Variants in EPM2A observed in about 807,000 individuals in gnomAD.
EPM2A encodes laforin.
Under a neutral mutation model 26.5 loss-of-function variants are expected in EPM2A, and 21 were observed. The ratio of observed to expected loss-of-function variants is 0.79; its 90% confidence interval spans 0.56 to 1.14. EPM2A has a LOEUF of 1.14. Among genes scored for constraint, EPM2A ranks in the 50% most tolerant of loss-of-function variants. The probability of loss-of-function intolerance (pLI) is 0.00; values close to 1 mark genes in which losing one functional copy is unlikely to be tolerated. For synonymous variants in EPM2A, 217 were observed against 177.6 expected (o/e 1.22, Z -1.76); for missense variants, 458 against 440.8 (o/e 1.04, Z -0.35).
At chr6:145,430,785 A>G (rs1231863508) in intron 4 of EPM2A, among the ~76,000 whole-genome samples, 1 of 152,198 alleles carries the variant, frequency 6.6e-6, no homozygotes, top group Non-Finnish European at 1.5e-5. Flanking sequence ...AGAAATGGAA[A>G]GACCAAAATT....
chr6:145,728,368 G>A (rs6921423), intron 1 of EPM2A, among the ~76,000 whole-genome samples: 10,196 of 152,204 alleles, frequency 0.067, 1,144 homozygotes, highest in African/African-American at 0.23. Flanking sequence ...CTGGAGACTC[G>A]TTGAATGGTT....
At chr6:145,477,294 T>C (rs1368005977) in intron 4 of EPM2A, among the ~76,000 whole-genome samples, 2 of 151,894 alleles carry the variant, frequency 1.3e-5, no homozygotes, top group African/African-American at 4.8e-5. Flanking sequence ...ATAAAAAGTC[T>C]TCCAGTAAAG....
intron 4 of EPM2A, among the ~76,000 whole-genome samples, chr6:145,399,933 T>C (rs9497292): frequency 0.37 from 57,015 of 152,060 alleles, 10,950 homozygotes; most frequent in South Asian, 0.46. Flanking sequence ...TTCCTTTTTT[T>C]CTGATAATCA....
intron 4 of EPM2A, among the ~76,000 whole-genome samples, chr6:145,403,111 T>C (rs1239745159): frequency 6.6e-6 from 1 of 152,104 alleles, no homozygotes; most frequent in Non-Finnish European, 1.5e-5. Context: ...TGTGGGTACA[T>C]AGTAGGTATA....
At chr6:145,635,199 GT>G in intron 3 of EPM2A, 45 bp downstream of exon 3, 1 of 1,611,124 alleles carries the variant, frequency 6.2e-7, no homozygotes. Flanking sequence ...GACAGCAAGG[GT>G]TTCTCTGAAA....
At position 145,735,356 on chromosome 6, in the gene EPM2A, C is replaced by G; in HGVS notation, c.143G>C (p.Gly48Ala). 7.6e-7 allele frequency: 1 copy of G among 1,309,760 alleles called. No homozygotes were observed. The highest frequency in any genetic ancestry group is 9.7e-7 in the Non-Finnish European group (1 of 1,028,530). The allele number at this position is 1,309,760 out of a possible 1,614,324, so 81.1% of individuals were successfully genotyped here. The change falls in exon 1 of 4, where the codon GGC becomes GCC. Residue 48 changes from glycine (G) to alanine (A), a missense_variant. Transcript: ENST00000367519. ...CTCCTGCAGGGCCAGGGCCCCGTCGCCCGCCGCGGTGCCGGCCGGCCTCAG... is the reference window on the plus strand; with the variant it reads ...CTCCTGCAGGGCCAGGGCCCCGTCGGCCGCCGCGGTGCCGGCCGGCCTCAG... ...VRLRPAGTAAGDGALALQEPG... is the reference protein window; with the variant it reads ...VRLRPAGTAAADGALALQEPG...
At chr6:145,568,931 T>A (rs1207695343) in intron 2 of EPM2A, among the ~76,000 whole-genome samples, 4 of 152,184 alleles carry the variant, frequency 2.6e-5, no homozygotes, top group Non-Finnish European at 5.9e-5. Flanking sequence ...AGTTTGCTGG[T>A]GCCCAGACTA....
upstream of EPM2A, chr6:145,735,562 G>C: frequency 8.9e-7 from 1 of 1,117,840 alleles, no homozygotes; most frequent in African/African-American, 1.7e-5. Flanking sequence ...CGCGGCCCGA[G>C]CACTAGGCGG....
At chr6:145,674,624 G>A (rs191849548) in intron 2 of EPM2A, among the ~76,000 whole-genome samples, 33 of 152,212 alleles carry the variant, frequency 2.2e-4, no homozygotes, top group Middle Eastern at 3.4e-3. Flanking sequence ...ACCATGGCAC[G>A]AGAACCTTGT....
At chr6:145,629,124 T>C (rs1453657992) in intron 3 of EPM2A, 2 of 152,266 alleles carry the variant, frequency 1.3e-5, no homozygotes, top group Non-Finnish European at 2.9e-5. Flanking sequence ...TAAGACTGCA[T>C]GCTCCACACA....
chr6:145,544,444 G>A (rs923453456), intron 2 of EPM2A, among the ~76,000 whole-genome samples: 1 of 152,112 alleles, frequency 6.6e-6, no homozygotes, highest in East Asian at 1.9e-4. Flanking sequence ...CTGCTTCCTT[G>A]GAAAAAGCAA....
intron 4 of EPM2A, among the ~76,000 whole-genome samples, chr6:145,385,801 CTG>C (rs1778252532): frequency 6.6e-6 from 1 of 152,060 alleles, no homozygotes; most frequent in Non-Finnish European, 1.5e-5. Context: ...ATCTATAAAT[CTG>C]TCTCCTTCTT....
At chr6:145,589,130 G>A (rs1466616520) in intron 2 of EPM2A, among the ~76,000 whole-genome samples, 1 of 152,114 alleles carries the variant, frequency 6.6e-6, no homozygotes, top group Admixed American at 6.6e-5. Flanking sequence ...AATCTTGCCA[G>A]AAAGAAAGGG....
intron 1 of EPM2A, among the ~76,000 whole-genome samples, chr6:145,698,585 C>G (rs575606071): frequency 6.7e-6 from 1 of 148,870 alleles, no homozygotes; most frequent in South Asian, 2.1e-4. Flanking sequence ...AGGCTTATAC[C>G]AAGTTAATTT....
At chr6:145,490,431 A>G in intron 4 of EPM2A, 1 of 751,196 alleles carries the variant, frequency 1.3e-6, no homozygotes, top group South Asian at 1.4e-5. Context: ...ATCTTTCATG[A>G]CAATTTGGAC....
At chr6:145,668,384 G>T (rs1353618637) in intron 2 of EPM2A, among the ~76,000 whole-genome samples, 1 of 152,046 alleles carries the variant, frequency 6.6e-6, no homozygotes, top group African/African-American at 2.4e-5. Context: ...TTAAAAAATG[G>T]CATGAAGGTC....
chr6:145,652,412 T>C (rs1777947321), intron 2 of EPM2A, among the ~76,000 whole-genome samples: 1 of 152,184 alleles, frequency 6.6e-6, no homozygotes, highest in Non-Finnish European at 1.5e-5. Flanking sequence ...TGGGTTATCC[T>C]TGTGACACAT....
chr6:145,648,048 G>C (rs542144785), intron 2 of EPM2A, among the ~76,000 whole-genome samples: 6 of 152,032 alleles, frequency 3.9e-5, no homozygotes, highest in African/African-American at 1.2e-4. Flanking sequence ...TAATTAGACC[G>C]CCTCAAATCC....
chr6:145,467,146 T>TAATA (rs1441623607), intron 4 of EPM2A, among the ~76,000 whole-genome samples: 1 of 151,878 alleles, frequency 6.6e-6, no homozygotes. Context: ...AGTATAATAA[T>TAATA]AATAAATAAA....
Sources: gnomAD v4.1 joint callset for allele counts (sites outside exome capture counted in the v4.1 genomes callset) on GRCh38, gnomAD v4.1.1 for gene constraint, MANE v1.5 for transcripts, NCBI Gene and HGNC (gene_info 2026-07-23, HGNC 2026-07-21) for gene names.